OPCML: variants seen among roughly 807,000 people sequenced by gnomAD.
OPCML encodes opioid-binding protein/cell adhesion molecule.
OPCML carries 13 observed loss-of-function variants against 37.8 expected under a neutral mutation model. That is an observed-to-expected ratio of 0.34 (90% CI 0.22 to 0.55). The LOEUF is 0.55. OPCML is among the 20% of genes least tolerant of loss of function. OPCML has a pLI of 0.91. For missense variants in OPCML, 341 were observed against 435.6 expected (o/e 0.78, Z 1.93); for synonymous variants, 176 against 168.8 (o/e 1.04, Z -0.33).
At chr11:132,562,687 C>T (rs1355499860) in intron 3 of OPCML, among the ~76,000 whole-genome samples, 1 of 152,006 alleles carries the variant, frequency 6.6e-6, no homozygotes, top group Non-Finnish European at 1.5e-5. Flanking sequence ...CCATGACCTA[C>T]ACAGCAGGAA....
At chr11:133,449,212 A>G (rs536232330) in intron 1 of OPCML, among the ~76,000 whole-genome samples, 4 of 152,332 alleles carry the variant, frequency 2.6e-5, no homozygotes, top group Admixed American at 1.3e-4. Context: ...CTGAACCACT[A>G]TTACTCTGGA....
intron 1 of OPCML, chr11:133,067,779 C>T (rs1025007103): frequency 1.3e-5 from 2 of 152,198 alleles, no homozygotes; most frequent in African/African-American, 2.4e-5. Flanking sequence ...GATGTCATCC[C>T]TCAACCCTGA....
At position 132,420,255 on chromosome 11, in the gene OPCML, T is replaced by G. The variant is rs750040275; in HGVS notation, c.955A>C (p.Arg319=). 6.2e-7 allele frequency: 1 copy of G among 1,613,784 alleles called. No individual in the cohort carries two copies. Among genetic ancestry groups the G allele is most frequent in the Non-Finnish European group, 8.5e-7 (1 of 1,179,842 alleles). The stretch of plus-strand genomic sequence containing the variant: ...GATAGCCAGAGACAAGCCAGTGCTC[T>G]GGAGGCCGAGTTTACACCATCAATG... ...AVIDGVNSAS[R]ALACLWLSGT... Residue 319 remains arginine, a synonymous_variant, in exon 8 of 8, where the codon AGA becomes CGA. Transcript: ENST00000524381.
At chr11:132,627,594 G>C (rs575230643) in intron 3 of OPCML, among the ~76,000 whole-genome samples, 1 of 152,294 alleles carries the variant, frequency 6.6e-6, no homozygotes, top group African/African-American at 2.4e-5. Flanking sequence ...GAAGTGAACT[G>C]TCTGGAGTGG....
chr11:133,420,697 C>T, intron 1 of OPCML: 1 of 985,358 alleles, frequency 1.0e-6, no homozygotes, highest in Non-Finnish European at 1.2e-6. Context: ...TCTAGGCCTA[C>T]CCTAAATTGT....
chr11:132,831,814 T>C (rs1940707873), intron 2 of OPCML, among the ~76,000 whole-genome samples: 1 of 152,070 alleles, frequency 6.6e-6, no homozygotes, highest in Non-Finnish European at 1.5e-5. Context: ...CTTGTGGCAA[T>C]AGAGATCTTT....
intron 2 of OPCML, among the ~76,000 whole-genome samples, chr11:132,831,417 G>T (rs568219554): frequency 5.8e-4 from 88 of 152,224 alleles, no homozygotes; most frequent in African/African-American, 2.1e-3. Context: ...CCCCACCATA[G>T]CTCCATCACA....
chr11:132,649,086 A>G (rs959215850), intron 3 of OPCML, among the ~76,000 whole-genome samples: 3 of 152,024 alleles, frequency 2.0e-5, no homozygotes, highest in Admixed American at 6.5e-5. Context: ...AGAAACAGAC[A>G]AAACCCATGA....
intron 1 of OPCML, among the ~76,000 whole-genome samples, chr11:133,171,505 A>G (rs1484607739): frequency 1.3e-5 from 2 of 152,162 alleles, no homozygotes; most frequent in Non-Finnish European, 2.9e-5. Flanking sequence ...TTAAAACCTC[A>G]TGTTTCATTT....
chr11:133,529,691 T>C (rs1948564023), intron 1 of OPCML, among the ~76,000 whole-genome samples: 1 of 152,238 alleles, frequency 6.6e-6, no homozygotes, highest in Non-Finnish European at 1.5e-5. Context: ...GTTCCATTAT[T>C]ACATCAGCCT....
chr11:132,728,702 TA>T (rs1944971743), intron 2 of OPCML, among the ~76,000 whole-genome samples: 1 of 152,158 alleles, frequency 6.6e-6, no homozygotes, highest in Non-Finnish European at 1.5e-5. Context: ...CTGAATTAAT[TA>T]AATATAACAG....
chr11:133,059,547 A>G (rs1354945275), intron 1 of OPCML, among the ~76,000 whole-genome samples: 1 of 152,216 alleles, frequency 6.6e-6, no homozygotes, highest in Non-Finnish European at 1.5e-5. Context: ...GGGAAACCCA[A>G]ACGCCAGTTT....
intron 2 of OPCML, among the ~76,000 whole-genome samples, chr11:132,888,601 TTAAA>T (rs1443791053): frequency 6.6e-6 from 1 of 152,220 alleles, no homozygotes; most frequent in South Asian, 2.1e-4. Flanking sequence ...AAGCTCTGTC[TTAAA>T]TAAATGAAAG....
intron 3 of OPCML, among the ~76,000 whole-genome samples, chr11:132,592,958 G>T (rs572842766): frequency 6.6e-6 from 1 of 152,168 alleles, no homozygotes; most frequent in South Asian, 2.1e-4. Flanking sequence ...CTTTCTCTTC[G>T]AGGAGAGAGC....
intron 3 of OPCML, among the ~76,000 whole-genome samples, chr11:132,574,502 A>G (rs1477845596): frequency 6.6e-6 from 1 of 151,742 alleles, no homozygotes; most frequent in Non-Finnish European, 1.5e-5. Context: ...ATTTTTTAAA[A>G]AATTCTTCTT....
In OPCML at chr11:133,289,582, G is replaced by A. The variant is rs533867865; in HGVS notation, c.61+242682C>T. 4.7e-5 allele frequency among the ~76,000 whole-genome samples: 6 copies of A among 127,406 alleles called. No individual in the cohort carries two copies. In the South Asian group the frequency reaches 1.1e-3, roughly 22 times the overall value. The allele number at this position is 127,406 out of a possible 152,430, so 83.6% of individuals were successfully genotyped here. A position where few individuals can be genotyped will look rare whatever the true frequency, so the allele number is the denominator to read the frequency against. On this transcript the variant is annotated intron_variant, in intron 1 of 7. Coordinates refer to ENST00000524381, the MANE Select transcript of OPCML (RefSeq NM_001012393.5). ...TGCACTCCAGCCTGGGCGACAGAGC[G>A]AGACTCCATCTCAAAAAAAAAAAAA...
intron 4 of OPCML, among the ~76,000 whole-genome samples, chr11:132,465,348 T>C (rs2096116326): frequency 6.6e-6 from 1 of 152,186 alleles, no homozygotes; most frequent in Non-Finnish European, 1.5e-5. Context: ...CCTTTCCTTA[T>C]TCACAACAAA....
rs549967136 is a variant in OPCML, at chr11:133,058,666, C to T, written c.62-115656G>A. ...CGCTGGCTAAATCAGGTAGTGAGCG[C>T]GGCTCCCCACGCCTGGGTTTTCGCT... On this transcript the variant is annotated intron_variant, in intron 1 of 7. Coordinates refer to ENST00000524381, the MANE Select transcript of OPCML (RefSeq NM_001012393.5). Among the ~76,000 whole-genome samples, 5 of 152,320 alleles carry T rather than the reference C, an allele frequency of 3.3e-5. No homozygotes were observed. In the South Asian group the frequency reaches 1.0e-3, roughly 32 times the overall value.
intron 1 of OPCML, chr11:133,006,685 CA>C (rs1947119858): frequency 2.0e-6 from 2 of 985,328 alleles, no homozygotes; most frequent in Admixed American, 6.1e-5. Context: ...ACATGTCTGC[CA>C]CTTCCACTTT....
Sources: allele counts gnomAD v4.1 joint callset (sites outside exome capture counted in the v4.1 genomes callset), GRCh38; gene constraint gnomAD v4.1.1; transcripts MANE v1.5; gene names NCBI Gene and HGNC (gene_info 2026-07-23, HGNC 2026-07-21).